Variants in TET3 observed in about 807,000 individuals in gnomAD.
The protein encoded by TET3 is tet methylcytosine dioxygenase 3.
In TET3, 19 loss-of-function variants were observed where a neutral mutation model predicts 141.4. The ratio of observed to expected loss-of-function variants is 0.13; its 90% CI spans 0.09 to 0.20. The LOEUF (loss-of-function observed/expected upper bound fraction) is 0.20, where lower values mean the gene tolerates loss of function less well. Ranked by LOEUF, TET3 falls within the 10% of genes least tolerant of loss-of-function variation. The pLI is 1.00. For missense variants in TET3, 1,874 were observed against 2,356.9 expected, an observed-to-expected ratio of 0.80 and a Z score of 4.24; for synonymous variants, 1,043 against 980.9, an observed-to-expected ratio of 1.06 and a Z score of -1.18.
intron 3 of TET3, among the ~76,000 whole-genome samples, chr2:74,006,218 C>T (rs1232021613): frequency 6.6e-6 from 1 of 152,248 alleles, no homozygotes; most frequent in East Asian, 1.9e-4. Context: ...TTATAAGCAG[C>T]AGCCAGCTTG....
chr2:74,060,777 C>A (rs1268345858), intron 4 of TET3, among the ~76,000 whole-genome samples: 1 of 152,322 alleles, frequency 6.6e-6, no homozygotes, highest in Non-Finnish European at 1.5e-5. Context: ...ACATCTTGCA[C>A]CGCCCTTAAT....
At chr2:74,039,919 G>A (rs192530846) in intron 3 of TET3, among the ~76,000 whole-genome samples, 24 of 152,298 alleles carry the variant, frequency 1.6e-4, no homozygotes, top group African/African-American at 5.8e-4. Context: ...AGCTTTGAAA[G>A]TCATGTAGCA....
At chr2:74,076,441 G>GTTTTTTTTTTTTTTTTT (rs70965785) in intron 5 of TET3, among the ~76,000 whole-genome samples, 1 of 56,554 alleles carries the variant, frequency 1.8e-5, no homozygotes, top group East Asian at 7.5e-4. Context: ...ATTCCTCTGG[G>GTTTTTTTTTTTTTTTTT]TTTTTTTTTT....
chr2:73,984,198 T>C (rs866974310), upstream of TET3, among the ~76,000 whole-genome samples: 2 of 152,206 alleles, frequency 1.3e-5, no homozygotes, highest in Admixed American at 1.3e-4. This position sits in a 1 kb window ranked among gnomAD's most constrained non-coding sequence, Gnocchi z 5.6. Context: ...CCCCCTCCTC[T>C]GGGAGGCAGG....
At chr2:73,989,735 T>G (rs1434274369) in intron 2 of TET3, among the ~76,000 whole-genome samples, 2 of 152,096 alleles carry the variant, frequency 1.3e-5, no homozygotes, top group African/African-American at 4.8e-5. Context: ...TAGAGGAGGT[T>G]GTTTGATTTC....
At chr2:74,005,946 G>C (rs1001759580) in intron 3 of TET3, among the ~76,000 whole-genome samples, 1 of 152,068 alleles carries the variant, frequency 6.6e-6, no homozygotes, top group African/African-American at 2.4e-5. Flanking sequence ...CGAGAACACC[G>C]GGCCGCCCTG....
At chr2:74,109,699 T>G (rs908895449), downstream of TET3, among the ~76,000 whole-genome samples, 3 of 152,220 alleles carry the variant, frequency 2.0e-5, no homozygotes, top group Non-Finnish European at 4.4e-5. Context: ...GTCCAGGCCC[T>G]GTCCACCACT....
At chr2:74,122,677 CTTTTTTT>C in the TET3 span, among the ~76,000 whole-genome samples, 2 of 42,406 alleles carry the variant, frequency 4.7e-5, no homozygotes, top group African/African-American at 1.3e-4. Context: ...CTACACCTAG[CTTTTTTT>C]TTTTTTTTTT....
intron 3 of TET3, among the ~76,000 whole-genome samples, chr2:74,013,000 T>G (rs1235558132): frequency 6.6e-6 from 1 of 150,646 alleles, no homozygotes; most frequent in East Asian, 1.9e-4. Flanking sequence ...ATGGGGTGTT[T>G]TTTTTTTTTT....
At chr2:74,112,436 G>A (rs189582139), downstream of TET3, among the ~76,000 whole-genome samples, 2 of 151,554 alleles carry the variant, frequency 1.3e-5, no homozygotes, top group South Asian at 2.1e-4. Context: ...CTATAAAACC[G>A]CTCCAAATAA....
At chr2:73,988,423 T>G (rs1325789437) in intron 2 of TET3, among the ~76,000 whole-genome samples, 16 of 152,234 alleles carry the variant, frequency 1.1e-4, no homozygotes. Flanking sequence ...TTGGAAGCAG[T>G]GGCCCTTGTG....
At position 74,046,798 on chromosome 2, in the gene TET3, T is replaced by C. The variant is rs927433947; in HGVS notation, c.881T>C (p.Val294Ala). 14 of 1,613,172 alleles carry C rather than the reference T, an allele frequency of 8.7e-6. No homozygotes were observed. The African/African-American group carries it at 1.9e-4, about 22-fold the overall frequency. Residue 294 changes from valine (V) to alanine (A), a missense_variant, in exon 4 of 12, where the codon GTC becomes GCC. Around this residue, in one of 10 missense-constraint regions of TET3, gnomAD observed 366 missense variants for 487.0 expected, o/e 0.75. Coordinates refer to ENST00000409262, the MANE Select transcript of TET3 (RefSeq NM_001287491.2). The surrounding 1 kb of genome is among the most constrained non-coding windows in gnomAD (Gnocchi z 4.3). ...EWLEGKIKSV[V>A]MEGGEERPRL... ...CTGGAGGGGAAGATCAAGTCTGTGG[T>C]CATGGAAGGAGGGGAGGAGCGGCCC...
At chr2:73,988,680 G>A (rs768508842) in intron 2 of TET3, among the ~76,000 whole-genome samples, 17 of 152,164 alleles carry the variant, frequency 1.1e-4, no homozygotes, top group South Asian at 1.0e-3. Context: ...GGTAAGGTGA[G>A]GCTGGACAGC....
At position 74,080,494 on chromosome 2, in the gene TET3, T is replaced by G; in HGVS notation, c.2586-4T>G. The G allele has an allele frequency of 6.2e-7, 1 of 1,611,908 alleles. No homozygotes were observed. The highest frequency in any genetic ancestry group is 8.5e-7 in the Non-Finnish European group (1 of 1,178,860). On this transcript the variant is annotated splice_region_variant and splice_polypyrimidine_tract_variant and intron_variant, in intron 5 of 11. Coordinates refer to ENST00000409262, the MANE Select transcript of TET3 (RefSeq NM_001287491.2). ...CTAATGGTGGCTTCTGTCTCCCTCT[T>G]CAGGTATGGAGAGAAGGGGAAAGCC...
In TET3 at chr2:74,102,242, C is replaced by G. The variant is rs1691267358; in HGVS notation, c.*66C>G. 2.2e-6 allele frequency: 3 copies of G among 1,373,818 alleles called. No individual in the cohort carries two copies. Among genetic ancestry groups the G allele is most frequent in the Admixed American group, 3.4e-5 (1 of 29,246 alleles). The allele number at this position is 1,373,818 out of a possible 1,614,324, so 85.1% of individuals were successfully genotyped here. A position where few individuals can be genotyped will look rare whatever the true frequency, so the allele number is the denominator to read the frequency against. ...GAGCTGTCTCTGTGGTGCTTTTGCC[C>G]TCATACCTGGGGGCGGGTTGGGGGT... On this transcript the variant is annotated 3_prime_UTR_variant, in exon 12 of 12. Coordinates refer to ENST00000409262, the MANE Select transcript of TET3 (RefSeq NM_001287491.2).
chr2:74,076,161 T>A (rs1257031416), intron 5 of TET3, among the ~76,000 whole-genome samples: 1 of 148,896 alleles, frequency 6.7e-6, no homozygotes, highest in Admixed American at 6.7e-5. Flanking sequence ...ACATATGTCT[T>A]TTTTTTTTTA....
intron 2 of TET3, among the ~76,000 whole-genome samples, chr2:74,000,477 A>C (rs987536599): frequency 6.6e-6 from 1 of 152,184 alleles, no homozygotes; most frequent in Admixed American, 6.5e-5. Flanking sequence ...GATCTGAGAA[A>C]CTGGCAGGGG....
At chr2:74,114,142 C>G in the TET3 span, among the ~76,000 whole-genome samples, 1 of 152,146 alleles carries the variant, frequency 6.6e-6, no homozygotes, top group Non-Finnish European at 1.5e-5. Flanking sequence ...AACCCAGAAA[C>G]TAATCCACAT....
At chr2:74,085,950 C>T (rs1194550049) in intron 6 of TET3, among the ~76,000 whole-genome samples, 1 of 152,222 alleles carries the variant, frequency 6.6e-6, no homozygotes, top group East Asian at 1.9e-4. Flanking sequence ...GTTTTCTTAC[C>T]CCTTGCCATA....
Sources: gnomAD v4.1 joint callset for allele counts (sites outside exome capture counted in the v4.1 genomes callset) on GRCh38, gnomAD v4.1.1 for gene constraint, gnomAD v4.1.1 regional missense constraint, Gnocchi (gnomAD v3.1) non-coding constraint, MANE v1.5 for transcripts, NCBI Gene and HGNC (gene_info 2026-07-23, HGNC 2026-07-21) for gene names.